HDGFL3: variants seen among roughly 807,000 people sequenced by gnomAD.
HDGFL3 encodes the protein hepatoma-derived growth factor-related protein 3.
Under a neutral mutation model 27.6 loss-of-function variants are expected in HDGFL3, and 6 were observed. The observed-to-expected ratio is 0.22, with a 90% confidence interval of 0.12 to 0.43. The LOEUF (loss-of-function observed/expected upper bound fraction) is 0.43, where lower values mean the gene tolerates loss of function less well. Among genes scored for constraint, HDGFL3 ranks in the 20% least tolerant of loss-of-function variants. The probability of loss-of-function intolerance (pLI) is 1.00; values close to 1 mark genes in which losing one functional copy is unlikely to be tolerated. For missense variants in HDGFL3, 207 were observed against 250.1 expected, an observed-to-expected ratio of 0.83 and a Z score of 1.16; for synonymous variants, 88 against 88.9, an observed-to-expected ratio of 0.99 and a Z score of 0.05.
chr15:83,200,674 T>C (rs1010556290), intron 1 of HDGFL3, among the ~76,000 whole-genome samples: 7 of 152,056 alleles, frequency 4.6e-5, no homozygotes, highest in Non-Finnish European at 2.9e-5. Context: ...TCCATCCTAT[T>C]TTACAAAGAG....
At chr15:83,187,819 T>G (rs11856000) in intron 1 of HDGFL3, among the ~76,000 whole-genome samples, 57,404 of 149,126 alleles carry the variant, frequency 0.38, 12,947 homozygotes, top group African/African-American at 0.64. Context: ...CCTGGGAGGC[T>G]GAGGTTGCAG....
downstream of HDGFL3, chr15:83,124,866 C>T (rs2035589983): frequency 8.5e-7 from 1 of 1,172,138 alleles, no homozygotes. Flanking sequence ...TTTGTTTTTC[C>T]ATCAGACTTC....
At chr15:83,184,444 T>G (rs951541411) in intron 1 of HDGFL3, among the ~76,000 whole-genome samples, 8 of 152,318 alleles carry the variant, frequency 5.3e-5, no homozygotes, top group Admixed American at 1.3e-4. Flanking sequence ...GAATAAGGTA[T>G]TCAGACACCT....
At chr15:83,148,487 T>G (rs1339678532) in intron 5 of HDGFL3, among the ~76,000 whole-genome samples, 1 of 151,922 alleles carries the variant, frequency 6.6e-6, no homozygotes, top group Non-Finnish European at 1.5e-5. Context: ...CCAGGTGTGG[T>G]GGTGGGTGCC....
chr15:83,187,931 AT>A (rs930435379), intron 1 of HDGFL3, among the ~76,000 whole-genome samples: 3 of 151,720 alleles, frequency 2.0e-5, no homozygotes, highest in Admixed American at 1.3e-4. Context: ...GTAAACACAC[AT>A]TTTTATGCAC....
Position 83,153,877 on chromosome 15 carries a change from G to A in HDGFL3, c.460-2516C>T, listed in dbSNP as rs560363387. ...TGACTTTTCATTGTGATTACTGAGCGTTTTCCTTAGAAAACTGAAATTAGG... is the reference window on the plus strand; with the variant it reads ...TGACTTTTCATTGTGATTACTGAGCATTTTCCTTAGAAAACTGAAATTAGG... On this transcript the variant is annotated intron_variant, in intron 4 of 5. Transcript: ENST00000299633. Among the ~76,000 whole-genome samples, 7 of 152,138 alleles carry A rather than the reference G, an allele frequency of 4.6e-5. No homozygotes were observed. In the South Asian group the frequency reaches 1.2e-3, roughly 27 times the overall value.
In HDGFL3 at chr15:83,204,192, T is replaced by C. The variant is rs556022813; in HGVS notation, c.84+3139A>G. 4.0e-5 allele frequency among the ~76,000 whole-genome samples: 6 copies of C among 151,690 alleles called. No homozygotes were observed. The East Asian group carries it at 7.7e-4, about 20-fold the overall frequency. ...TCAATGTATTTATGTATTTATATTATATATATGTATCACATATACTTATAT... is the reference window on the plus strand; with the variant it reads ...TCAATGTATTTATGTATTTATATTACATATATGTATCACATATACTTATAT... On this transcript the variant is annotated intron_variant, in intron 1 of 5. Transcript: ENST00000299633.
chr15:83,112,831 C>T (rs975108128), exon 4 of HDGFL3: 1 of 1,614,146 alleles, frequency 6.2e-7, no homozygotes, highest in Admixed American at 1.7e-5. Flanking sequence ...TGCCCTCATC[C>T]TGTTCCTGGT....
chr15:83,187,190 T>G (rs992895822), intron 1 of HDGFL3, among the ~76,000 whole-genome samples: 3 of 152,088 alleles, frequency 2.0e-5, no homozygotes, highest in African/African-American at 7.2e-5. Flanking sequence ...AGACATTGTT[T>G]GTTTGTTAAT....
chr15:83,168,114 AAC>A (rs911244818), intron 1 of HDGFL3, among the ~76,000 whole-genome samples: 1 of 152,234 alleles, frequency 6.6e-6, no homozygotes, highest in Non-Finnish European at 1.5e-5. Flanking sequence ...AATAAATAAA[AAC>A]AGAGATGTAA....
intron 3 of HDGFL3, chr15:83,119,800 T>C: frequency 6.7e-7 from 1 of 1,503,714 alleles, no homozygotes; most frequent in Non-Finnish European, 9.0e-7. Context: ...TGAATATAAG[T>C]TCCATGGGTG....
intron 5 of HDGFL3, among the ~76,000 whole-genome samples, chr15:83,150,395 AGAG>A: frequency 6.6e-6 from 1 of 152,180 alleles, no homozygotes; most frequent in Non-Finnish European, 1.5e-5. Context: ...GAAGATAAGC[AGAG>A]GATAGAGTAG....
intron 1 of HDGFL3, among the ~76,000 whole-genome samples, chr15:83,188,569 A>G (rs1292221960): frequency 6.6e-6 from 1 of 152,186 alleles, no homozygotes; most frequent in Non-Finnish European, 1.5e-5. Context: ...TACTCATCTG[A>G]TATGTACAAT....
intron 1 of HDGFL3, among the ~76,000 whole-genome samples, chr15:83,176,440 C>A (rs2037312197): frequency 6.6e-6 from 1 of 152,108 alleles, no homozygotes; most frequent in Admixed American, 6.6e-5. Flanking sequence ...TTGCTTTGCT[C>A]ACTGCAGAGA....
At chr15:83,197,143 G>A (rs1010114470) in intron 1 of HDGFL3, among the ~76,000 whole-genome samples, 6 of 152,308 alleles carry the variant, frequency 3.9e-5, no homozygotes, top group Admixed American at 2.6e-4. Context: ...CTCTACCAAA[G>A]GCTTTGTCCT....
intron 4 of HDGFL3, among the ~76,000 whole-genome samples, chr15:83,152,990 CTT>C (rs920789734): frequency 1.9e-4 from 21 of 113,258 alleles, no homozygotes; most frequent in Admixed American, 2.7e-4. Flanking sequence ...ATACGCAGTT[CTT>C]TTTTTTTTTT....
intron 1 of HDGFL3, among the ~76,000 whole-genome samples, chr15:83,187,914 G>C (rs1471511757): frequency 3.4e-5 from 5 of 148,442 alleles, no homozygotes; most frequent in Non-Finnish European, 7.5e-5. Flanking sequence ...AAAAGGAAAA[G>C]GTTGCAGTAA....
intron 5 of HDGFL3, among the ~76,000 whole-genome samples, chr15:83,149,360 T>C (rs998364261): frequency 3.3e-5 from 5 of 152,186 alleles, no homozygotes; most frequent in South Asian, 4.1e-4. Context: ...ATAGGATATA[T>C]AGAATGAAAA....
intron 1 of HDGFL3, among the ~76,000 whole-genome samples, chr15:83,202,077 T>G (rs114395900): frequency 6.6e-6 from 1 of 152,146 alleles, no homozygotes; most frequent in East Asian, 1.9e-4. Context: ...TAGTAGATCA[T>G]TGTCAAATGC....
Sources: allele counts gnomAD v4.1 joint callset (sites outside exome capture counted in the v4.1 genomes callset), GRCh38; gene constraint gnomAD v4.1.1; transcripts MANE v1.5; gene names NCBI Gene and HGNC (gene_info 2026-07-23, HGNC 2026-07-21).